Variants in MAGI2 observed in about 807,000 individuals in gnomAD.
MAGI2 encodes the protein membrane associated guanylate kinase, WW and PDZ domain containing 2.
In MAGI2, 35 loss-of-function variants were observed where a neutral mutation model predicts 133.3. That is an observed-to-expected ratio of 0.26 (90% CI 0.20 to 0.35). The LOEUF is 0.35. Among genes scored for constraint, MAGI2 ranks in the 10% least tolerant of loss-of-function variants. The pLI is 1.00. For synonymous variants in MAGI2, 729 were observed against 710.6 expected (o/e 1.03, Z -0.41); for missense variants, 1,636 against 1,863.4 (o/e 0.88, Z 2.25).
intron 21 of MAGI2, among the ~76,000 whole-genome samples, chr7:78,032,824 A>C (rs1231436452): frequency 6.6e-6 from 1 of 152,184 alleles, no homozygotes; most frequent in Non-Finnish European, 1.5e-5. Context: ...GGCTAAGAAC[A>C]GACTAGGCAA....
chr7:79,372,979 T>C (rs1461639897), intron 1 of MAGI2, among the ~76,000 whole-genome samples: 2 of 152,030 alleles, frequency 1.3e-5, no homozygotes, highest in African/African-American at 2.4e-5. Flanking sequence ...TTTGAAGAGA[T>C]TGAAGAGCTA....
chr7:79,273,379 C>A (rs1835015420), intron 1 of MAGI2, among the ~76,000 whole-genome samples: 1 of 152,090 alleles, frequency 6.6e-6, no homozygotes, highest in African/African-American at 2.4e-5. Context: ...TTCCAGGAAA[C>A]AATTTTCTCA....
intron 2 of MAGI2, among the ~76,000 whole-genome samples, chr7:78,860,572 C>T (rs554001301): frequency 2.2e-4 from 34 of 152,268 alleles, no homozygotes; most frequent in South Asian, 2.1e-4. Context: ...TATTGCAGAA[C>T]GGCAGATGTT....
chr7:79,378,924 GTGTATATATATATA>G lies in MAGI2; in HGVS notation c.301+74082_301+74095del, dbSNP rs1485138108. On this transcript the variant is annotated intron_variant, in intron 1 of 21. Transcript: ENST00000354212. The stretch of plus-strand genomic sequence containing the variant: ...TTCTTTTATATATATATATGTGTGT[GTGTATATATATATA>G]TATATATATATATATATATATATAT... Among the ~76,000 whole-genome samples the G allele has an allele frequency of 0.011, 528 of 48,220 alleles. 20 individuals are homozygous for G. In the East Asian group the frequency reaches 0.11, roughly 10 times the overall value. 31.6% of individuals were successfully genotyped at this position (48,220 alleles called of 152,430 possible).
intron 10 of MAGI2, among the ~76,000 whole-genome samples, chr7:78,245,533 T>G (rs1159956664): frequency 6.6e-6 from 1 of 151,900 alleles, no homozygotes; most frequent in South Asian, 2.1e-4. Flanking sequence ...AGAGCACTAG[T>G]GCACATCAAA....
intron 3 of MAGI2, among the ~76,000 whole-genome samples, chr7:78,541,019 T>C (rs983615660): frequency 6.6e-6 from 1 of 152,210 alleles, no homozygotes; most frequent in African/African-American, 2.4e-5. Context: ...TCCTAGTATG[T>C]TCCTGCAGTA....
intron 1 of MAGI2, among the ~76,000 whole-genome samples, chr7:79,019,912 G>T (rs189226754): frequency 3.7e-4 from 56 of 152,226 alleles, no homozygotes; most frequent in Non-Finnish European, 6.6e-4. Context: ...ACCAGGAGTG[G>T]GGTGCTGCTG....
chr7:78,226,883 C>T (rs573907923), intron 10 of MAGI2, among the ~76,000 whole-genome samples: 8 of 152,072 alleles, frequency 5.3e-5, no homozygotes, highest in Non-Finnish European at 1.2e-4. Flanking sequence ...GCTGAGGGGA[C>T]CATGGAAATG....
At chr7:78,912,615 T>C (rs1347351420) in intron 2 of MAGI2, among the ~76,000 whole-genome samples, 1 of 151,886 alleles carries the variant, frequency 6.6e-6, no homozygotes, top group Non-Finnish European at 1.5e-5. Context: ...GGACTCCAAG[T>C]TCTTCAGTTT....
At position 79,453,008 on chromosome 7, in the gene MAGI2, C is replaced by T; in HGVS notation, c.301+12G>A. 6.4e-7 allele frequency: 1 copy of T among 1,556,096 alleles called. No individual in the cohort carries two copies. Among genetic ancestry groups the T allele is most frequent in the Non-Finnish European group, 8.7e-7 (1 of 1,151,868 alleles). On this transcript the variant is annotated intron_variant, in intron 1 of 21. Transcript: ENST00000354212. The stretch of plus-strand genomic sequence containing the variant: ...CCGCCCGGCAAAACACTGAGCAAGC[C>T]GCTGCTCTCACCTTGCTTGACACAC...
At chr7:78,264,227 C>T (rs144472029) in intron 9 of MAGI2, among the ~76,000 whole-genome samples, 1 of 152,250 alleles carries the variant, frequency 6.6e-6, no homozygotes, top group African/African-American at 2.4e-5. Context: ...GTACTTGATA[C>T]ATGGGAAACT....
At chr7:78,874,028 C>T (rs181059113) in intron 2 of MAGI2, among the ~76,000 whole-genome samples, 8 of 152,224 alleles carry the variant, frequency 5.3e-5, no homozygotes, top group African/African-American at 1.9e-4. Context: ...TTGATAAAAA[C>T]TACAAAGAAT....
intron 2 of MAGI2, among the ~76,000 whole-genome samples, chr7:78,964,894 C>T (rs988008230): frequency 1.3e-5 from 2 of 151,918 alleles, no homozygotes; most frequent in South Asian, 2.1e-4. Context: ...TACAGTCTCT[C>T]AAGTCTTCAG....
chr7:78,435,159 G>A lies in MAGI2; in HGVS notation c.1045+54602C>T, dbSNP rs1270434025. Among the ~76,000 whole-genome samples the A allele has an allele frequency of 2.0e-5, 3 of 152,204 alleles. 1 individual carries two copies. Among genetic ancestry groups the A allele is most frequent in the Admixed American group, 1.3e-4 (2 of 15,266 alleles). On this transcript the variant is annotated intron_variant, in intron 6 of 21. Transcript: ENST00000354212. ...ATGGGGGTAATCTAAAGCACTTAGC[G>A]CCTAGGGACAATTGGGAGAATTAAA...
chr7:78,912,858 A>G (rs1193463432), intron 2 of MAGI2, among the ~76,000 whole-genome samples: 1 of 149,858 alleles, frequency 6.7e-6, no homozygotes, highest in Non-Finnish European at 1.5e-5. Flanking sequence ...TCCATCATAT[A>G]TATATGATAT....
At chr7:78,497,370 G>T (rs1453841579) in intron 5 of MAGI2, among the ~76,000 whole-genome samples, 11 of 152,142 alleles carry the variant, frequency 7.2e-5, no homozygotes. Context: ...TAGGATAGAA[G>T]AAATCTGCTT....
At chr7:79,291,900 A>AT (rs1000890437) in intron 1 of MAGI2, among the ~76,000 whole-genome samples, 18 of 151,986 alleles carry the variant, frequency 1.2e-4, no homozygotes, top group African/African-American at 2.9e-4. Context: ...CTATAAAGCA[A>AT]TTTTTTTTAA....
intron 2 of MAGI2, among the ~76,000 whole-genome samples, chr7:78,996,164 A>G (rs1182828851): frequency 6.6e-6 from 1 of 152,200 alleles, no homozygotes; most frequent in African/African-American, 2.4e-5. Context: ...TTCAGGATAT[A>G]AAGTCTCAGG....
chr7:79,100,193 T>C (rs1245363845), intron 1 of MAGI2, among the ~76,000 whole-genome samples: 1 of 152,154 alleles, frequency 6.6e-6, no homozygotes, highest in East Asian at 1.9e-4. Context: ...TATTATTATT[T>C]TAGTATTAGC....
Sources: gnomAD v4.1 joint callset for allele counts (sites outside exome capture counted in the v4.1 genomes callset) on GRCh38, gnomAD v4.1.1 for gene constraint, MANE v1.5 for transcripts, NCBI Gene and HGNC (gene_info 2026-07-23, HGNC 2026-07-21) for gene names.